The following EFCAB6 variants were observed in gnomAD, a reference collection of about 807,000 sequenced individuals.
EFCAB6 encodes EF-hand calcium binding domain 6.
A neutral mutation model predicts 169.8 loss-of-function variants in EFCAB6; 156 were observed. That is an observed-to-expected ratio of 0.92 (90% CI 0.81 to 1.05). The LOEUF (loss-of-function observed/expected upper bound fraction) is 1.05, where lower values mean the gene tolerates loss of function less well. EFCAB6 is among the 50% of genes least tolerant of loss of function. EFCAB6 has a pLI of 0.00. For synonymous variants in EFCAB6, 698 were observed against 676.4 expected (o/e 1.03, Z -0.50); for missense variants, 1,800 against 1,829.1 (o/e 0.98, Z 0.29).
In EFCAB6 at chr22:43,635,079, G is replaced by A. The variant is rs112697233; in HGVS notation, c.2098+23C>T. The A allele has an allele frequency of 2.7e-4, 424 of 1,592,656 alleles. 2 individuals carry two copies. The African/African-American group carries it at 3.0e-3, about 11-fold the overall frequency. On this transcript the variant is annotated intron_variant, in intron 18 of 31. Coordinates refer to ENST00000262726, the MANE Select transcript of EFCAB6 (RefSeq NM_022785.4). ...TGTCACCCAGGACGCATCCCACAGG[G>A]TGTGGACTTGGCCATTAGCTACCTT...
chr22:43,677,643 G>A (rs768957499), intron 13 of EFCAB6, among the ~76,000 whole-genome samples: 11 of 151,942 alleles, frequency 7.2e-5, no homozygotes, highest in South Asian at 2.1e-4. Context: ...GAGACTCGAC[G>A]GAGAGAGACT....
rs140817182 is a variant in EFCAB6 at position 43,811,151 on chromosome 22, G to A, written c.-145+1017C>T. On this transcript the variant is annotated intron_variant, in intron 1 of 31. Transcript: ENST00000262726. ...AAAAATTAGCTGGGCGTGGTGGCAG[G>A]CGCCTGTAATCCCAGCTACTTGGGA... 7.4e-3 allele frequency among the ~76,000 whole-genome samples: 1,131 copies of A among 151,914 alleles called. 13 individuals carry two copies. Among genetic ancestry groups the A allele is most frequent in the African/African-American group, 0.027 (1,099 of 41,404 alleles).
chr22:43,670,560 T>C (rs1221687665), intron 15 of EFCAB6, among the ~76,000 whole-genome samples: 1 of 152,242 alleles, frequency 6.6e-6, no homozygotes, highest in Non-Finnish European at 1.5e-5. Flanking sequence ...GGTGTCGTTA[T>C]GAGGATCTGC....
At chr22:43,651,863 T>C (rs1443095515) in intron 17 of EFCAB6, among the ~76,000 whole-genome samples, 27 of 152,202 alleles carry the variant, frequency 1.8e-4, no homozygotes, top group Non-Finnish European at 4.4e-5. Flanking sequence ...TGTAGCCCAT[T>C]TGTTTTGGCC....
intron 7 of EFCAB6, among the ~76,000 whole-genome samples, chr22:43,734,992 C>T (rs528712311): frequency 1.3e-5 from 2 of 152,216 alleles, no homozygotes; most frequent in South Asian, 4.2e-4. Context: ...TGAAATGAGG[C>T]TTGGTGCTTT....
At chr22:43,666,699 T>TG (rs2057271692) in intron 17 of EFCAB6, among the ~76,000 whole-genome samples, 6 of 138,548 alleles carry the variant, frequency 4.3e-5, no homozygotes, top group African/African-American at 1.2e-4. Context: ...TTGTTTTTTT[T>TG]TTTTTTTTTT....
At chr22:43,715,125 C>T (rs1002454687) in intron 9 of EFCAB6, among the ~76,000 whole-genome samples, 1 of 152,206 alleles carries the variant, frequency 6.6e-6, no homozygotes, top group African/African-American at 2.4e-5. Context: ...ATAGTTTCTC[C>T]AGCTCTTAAT....
intron 10 of EFCAB6, among the ~76,000 whole-genome samples, chr22:43,692,596 A>C (rs1049892098): frequency 2.0e-5 from 3 of 152,198 alleles, no homozygotes; most frequent in Non-Finnish European, 2.9e-5. Flanking sequence ...ATTTGAAATA[A>C]AAAATTTACT....
chr22:43,794,230 A>C (rs2062414920), intron 2 of EFCAB6, among the ~76,000 whole-genome samples: 1 of 152,252 alleles, frequency 6.6e-6, no homozygotes, highest in African/African-American at 2.4e-5. Flanking sequence ...AGCCAGCCGC[A>C]AACATTACGT....
At chr22:43,737,406 GCA>G (rs974695768) in intron 6 of EFCAB6, among the ~76,000 whole-genome samples, 3 of 140,702 alleles carry the variant, frequency 2.1e-5, no homozygotes, top group Non-Finnish European at 3.1e-5. Context: ...ACACACACAT[GCA>G]CAGATACAGG....
At chr22:43,763,996 C>G (rs2061247794) in intron 5 of EFCAB6, among the ~76,000 whole-genome samples, 1 of 152,140 alleles carries the variant, frequency 6.6e-6, no homozygotes, top group African/African-American at 2.4e-5. Context: ...CTCCTGGGCT[C>G]AAGTGATCCT....
At chr22:43,583,380 T>G (rs776412701) in intron 24 of EFCAB6, among the ~76,000 whole-genome samples, 1 of 151,716 alleles carries the variant, frequency 6.6e-6, no homozygotes, top group Admixed American at 6.6e-5. Flanking sequence ...CCTGTTGCAA[T>G]AGTCGTTTCA....
At chr22:43,749,419 G>C (rs2147811942) in intron 6 of EFCAB6, among the ~76,000 whole-genome samples, 1 of 152,198 alleles carries the variant, frequency 6.6e-6, no homozygotes, top group African/African-American at 2.4e-5. Context: ...GGGTACCGGG[G>C]ACCAGTTTTG....
chr22:43,783,999 G>A (rs2061920557), intron 2 of EFCAB6, among the ~76,000 whole-genome samples: 1 of 152,142 alleles, frequency 6.6e-6, no homozygotes, highest in Non-Finnish European at 1.5e-5. Flanking sequence ...AACCTGAGAG[G>A]TTGAGGCTAC....
intron 20 of EFCAB6, among the ~76,000 whole-genome samples, chr22:43,625,365 T>C (rs1602698007): frequency 6.6e-6 from 1 of 152,214 alleles, no homozygotes; most frequent in Non-Finnish European, 1.5e-5. Context: ...ACCTCAGTAC[T>C]AGCATAGCGC....
chr22:43,663,254 A>T (rs1358113680), intron 17 of EFCAB6, among the ~76,000 whole-genome samples: 1 of 152,194 alleles, frequency 6.6e-6, no homozygotes, highest in Non-Finnish European at 1.5e-5. Context: ...TTGAGAAGTC[A>T]ATTTCAAAGG....
intron 28 of EFCAB6, among the ~76,000 whole-genome samples, chr22:43,538,289 C>T (rs1157740788): frequency 1.3e-5 from 2 of 152,210 alleles, no homozygotes; most frequent in African/African-American, 2.4e-5. Context: ...CTTGATGATA[C>T]ATCCAGAGTC....
At chr22:43,782,838 C>A (rs1189142037) in intron 2 of EFCAB6, among the ~76,000 whole-genome samples, 2 of 152,100 alleles carry the variant, frequency 1.3e-5, no homozygotes, top group African/African-American at 4.8e-5. Flanking sequence ...AGGCTTACAG[C>A]AATCTGGGGA....
intron 9 of EFCAB6, 62 bp from the exon 10 acceptor site, chr22:43,711,685 C>G (rs901382409): frequency 1.3e-6 from 2 of 1,540,534 alleles, no homozygotes; most frequent in African/African-American, 2.9e-5. Context: ...AGCTATTCAA[C>G]CATTTTATTT....
Sources: gnomAD v4.1 joint callset for allele counts (sites outside exome capture counted in the v4.1 genomes callset) on GRCh38, gnomAD v4.1.1 for gene constraint, MANE v1.5 for transcripts, NCBI Gene and HGNC (gene_info 2026-07-23, HGNC 2026-07-21) for gene names.